SRSF11: variants seen among roughly 807,000 people sequenced by gnomAD.
The protein encoded by SRSF11 is serine/arginine-rich splicing factor 11.
In SRSF11, 9 loss-of-function variants were observed where a neutral mutation model predicts 56.0. The observed-to-expected ratio is 0.16, with a 90% CI of 0.10 to 0.28. SRSF11 has a LOEUF of 0.28. Ranked by LOEUF, SRSF11 falls within the 10% of genes least tolerant of loss-of-function variation. SRSF11 has a pLI of 1.00. For missense variants in SRSF11, 421 were observed against 600.7 expected (o/e 0.70, Z 3.13); for synonymous variants, 222 against 215.3 (o/e 1.03, Z -0.27).
chr1:70,223,710 G>C (rs116202811), intron 1 of SRSF11, among the ~76,000 whole-genome samples: 97 of 152,264 alleles, frequency 6.4e-4, no homozygotes, highest in Non-Finnish European at 1.2e-3. Flanking sequence ...CAGTAATGTA[G>C]ATGGCTACTT....
chr1:70,246,581 C>G (rs1427540296), intron 8 of SRSF11: 4 of 314,636 alleles, frequency 1.3e-5, no homozygotes, highest in Non-Finnish European at 2.3e-5. Context: ...TATTTTCTCA[C>G]CCATAGTCTA....
At chr1:70,230,126 C>A (rs964809638) in intron 2 of SRSF11, 1 of 983,124 alleles carries the variant, frequency 1.0e-6, no homozygotes, top group Non-Finnish European at 1.2e-6. Context: ...AGTTCCCAAT[C>A]CCTGAACATA....
intron 1 of SRSF11, among the ~76,000 whole-genome samples, chr1:70,210,762 C>CA (rs1487767714): frequency 6.6e-6 from 1 of 151,836 alleles, no homozygotes; most frequent in African/African-American, 2.4e-5. Context: ...ACTTTCAACA[C>CA]AAAAAAATTT....
chr1:70,221,360 T>G, upstream of SRSF11: 1 of 453,396 alleles, frequency 2.2e-6, no homozygotes, highest in Non-Finnish European at 3.9e-6. Flanking sequence ...CGCAAAGCAT[T>G]GTGGGAGCTC....
chr1:70,235,806 G>C (rs2100802834), intron 5 of SRSF11, among the ~76,000 whole-genome samples: 1 of 152,330 alleles, frequency 6.6e-6, no homozygotes, highest in South Asian at 2.1e-4. Flanking sequence ...GAGCTAATAA[G>C]GGACAACTTC....
intron 5 of SRSF11, 42 bp downstream of exon 5, chr1:70,235,592 G>T (rs1175737543): frequency 1.3e-6 from 2 of 1,582,556 alleles, no homozygotes; most frequent in Non-Finnish European, 1.7e-6. Context: ...TGTGGTATCT[G>T]AATGTCTACA....
At chr1:70,225,161 A>G (rs1365546976) in intron 1 of SRSF11, among the ~76,000 whole-genome samples, 1 of 152,198 alleles carries the variant, frequency 6.6e-6, no homozygotes, top group Non-Finnish European at 1.5e-5. Flanking sequence ...TTATCAGGTG[A>G]TGATCCCAGT....
intron 1 of SRSF11, among the ~76,000 whole-genome samples, chr1:70,208,326 G>C (rs543269515): frequency 1.7e-5 from 2 of 115,052 alleles, no homozygotes; most frequent in African/African-American, 3.3e-5. Context: ...ACAGTGTATG[G>C]TGTGTGTGTG....
chr1:70,233,313 C>G (rs147004810), intron 3 of SRSF11, among the ~76,000 whole-genome samples: 276 of 152,172 alleles, frequency 1.8e-3, no homozygotes, highest in African/African-American at 6.4e-3. Flanking sequence ...AGCACAGTCT[C>G]GGCTCACCGC....
chr1:70,234,460 A>G (rs1394241912), intron 3 of SRSF11, among the ~76,000 whole-genome samples: 2 of 152,088 alleles, frequency 1.3e-5, no homozygotes, highest in Non-Finnish European at 2.9e-5. Flanking sequence ...CAAGACTCCT[A>G]TTTCTGTTAA....
chr1:70,222,927 T>G (rs1670978775), intron 1 of SRSF11: 1 of 152,220 alleles, frequency 6.6e-6, no homozygotes, highest in Admixed American at 6.5e-5. Flanking sequence ...TTATTGGTGT[T>G]TTCAAATTGG....
intron 6 of SRSF11, 103 bp downstream of exon 6, chr1:70,237,655 G>C: frequency 6.8e-7 from 1 of 1,472,586 alleles, no homozygotes; most frequent in Non-Finnish European, 9.2e-7. Context: ...TTAAAATGTT[G>C]TAAACTCTGA....
intron 6 of SRSF11, 83 bp from the exon 7 acceptor site, chr1:70,239,356 T>A: frequency 2.2e-6 from 2 of 911,032 alleles, no homozygotes; most frequent in Admixed American, 2.3e-5. Flanking sequence ...CCTCTCATAG[T>A]GCTGTGATTA....
At chr1:70,231,379 A>G (rs1325870882) in intron 2 of SRSF11, 13 of 1,055,952 alleles carry the variant, frequency 1.2e-5, no homozygotes, top group South Asian at 3.0e-5. Flanking sequence ...AATTGTCTAC[A>G]TAAATATTTG....
intron 1 of SRSF11, among the ~76,000 whole-genome samples, chr1:70,226,497 T>G (rs1671815988): frequency 6.6e-6 from 1 of 152,190 alleles, no homozygotes; most frequent in Non-Finnish European, 1.5e-5. Context: ...AGTACTTTTT[T>G]TCCTAAAGAA....
intron 9 of SRSF11, chr1:70,248,346 A>G (rs1164311055): frequency 6.6e-6 from 1 of 152,122 alleles, no homozygotes; most frequent in Admixed American, 6.5e-5. Flanking sequence ...TACAGTATGG[A>G]TGAAACTTGC....
intron 2 of SRSF11, chr1:70,231,473 G>A (rs1672831408): frequency 9.5e-7 from 1 of 1,055,738 alleles, no homozygotes; most frequent in Non-Finnish European, 1.1e-6. Context: ...TAAGGAGTTT[G>A]GCTAAGTTAG....
At chr1:70,234,963 A>G (rs528819524) in intron 4 of SRSF11, among the ~76,000 whole-genome samples, 175 bp downstream of exon 4, 3 of 152,214 alleles carry the variant, frequency 2.0e-5, no homozygotes, top group Non-Finnish European at 4.4e-5. Context: ...TTTATCCATT[A>G]ATGGATTTCT....
chr1:70,209,741 T>C (rs34979074), intron 1 of SRSF11, among the ~76,000 whole-genome samples: 51 of 69,388 alleles, frequency 7.3e-4, no homozygotes, highest in African/African-American at 2.7e-3. Flanking sequence ...ACCTCGCTTC[T>C]TTTTTTTTTT....
Sources: gnomAD v4.1 joint callset for allele counts (sites outside exome capture counted in the v4.1 genomes callset) on GRCh38, gnomAD v4.1.1 for gene constraint, MANE v1.5 for transcripts, NCBI Gene and HGNC (gene_info 2026-07-23, HGNC 2026-07-21) for gene names.